Variants in SEMA3E observed in about 807,000 individuals in gnomAD.
The protein encoded by SEMA3E is semaphorin-3E.
Under a neutral mutation model 93.6 loss-of-function variants are expected in SEMA3E, and 49 were observed. The ratio of observed to expected loss-of-function variants is 0.52; its 90% CI spans 0.42 to 0.66. SEMA3E has a LOEUF of 0.66. Ranked by LOEUF, SEMA3E falls within the 30% of genes least tolerant of loss-of-function variation. The pLI is 0.00. For missense variants in SEMA3E, 906 were observed against 964.8 expected, an observed-to-expected ratio of 0.94 and a Z score of 0.81; for synonymous variants, 363 against 330.7, an observed-to-expected ratio of 1.10 and a Z score of -1.06.
intron 1 of SEMA3E, among the ~76,000 whole-genome samples, chr7:83,596,070 T>A (rs1316525472): frequency 6.6e-6 from 1 of 152,114 alleles, no homozygotes; most frequent in Non-Finnish European, 1.5e-5. Context: ...GGAAGAGTTG[T>A]CTCTTCTCTC....
chr7:83,506,344 C>T (rs1052265556), intron 1 of SEMA3E, among the ~76,000 whole-genome samples: 7 of 151,834 alleles, frequency 4.6e-5, no homozygotes, highest in Non-Finnish European at 8.8e-5. Flanking sequence ...GAGATCATTA[C>T]GTTAAATGAA....
intron 4 of SEMA3E, among the ~76,000 whole-genome samples, chr7:83,431,216 T>C (rs1026337018): frequency 6.4e-5 from 6 of 93,800 alleles, no homozygotes; most frequent in Non-Finnish European, 1.5e-4. Flanking sequence ...AATGGTTGAA[T>C]TATATTTGGT....
chr7:83,550,682 C>T (rs1488138469), intron 1 of SEMA3E, among the ~76,000 whole-genome samples: 1 of 151,918 alleles, frequency 6.6e-6, no homozygotes, highest in African/African-American at 2.4e-5. Flanking sequence ...TTATTGTATC[C>T]ATTATTTTAT....
intron 13 of SEMA3E, 60 bp from the exon 14 acceptor site, chr7:83,392,781 C>T (rs1176255734): frequency 2.0e-6 from 3 of 1,479,976 alleles, no homozygotes. Context: ...TGAGCTATTA[C>T]ACCTAGTTTT....
At chr7:83,610,492 G>T (rs1043516683) in intron 1 of SEMA3E, among the ~76,000 whole-genome samples, 8 of 151,782 alleles carry the variant, frequency 5.3e-5, no homozygotes, top group African/African-American at 1.9e-4. Flanking sequence ...ACTATGAATG[G>T]TCTACTACAT....
rs545169663 is a variant in SEMA3E at position 83,628,748 on chromosome 7, G to A, written c.115+19680C>T. Among the ~76,000 whole-genome samples the A allele has an allele frequency of 1.4e-3, 215 of 151,880 alleles. 2 individuals are homozygous for A. The highest frequency in any genetic ancestry group is 5.1e-3 in the African/African-American group (212 of 41,430). On this transcript the variant is annotated intron_variant, in intron 1 of 16. Coordinates refer to ENST00000643230, the MANE Select transcript of SEMA3E (RefSeq NM_012431.3). ...TAGAACATACTCCTTTAACTCAGAG[G>A]AGTTTGTTATTACCCACCTTCTGAA...
intron 1 of SEMA3E, chr7:83,616,811 A>G: frequency 2.6e-6 from 1 of 379,458 alleles, no homozygotes; most frequent in Non-Finnish European, 5.1e-6. Flanking sequence ...TACAACCTCC[A>G]CCTCCCGAGT....
At chr7:83,593,836 T>C (rs927151396) in intron 1 of SEMA3E, among the ~76,000 whole-genome samples, 3 of 152,142 alleles carry the variant, frequency 2.0e-5, no homozygotes, top group African/African-American at 7.2e-5. Context: ...TGTATCCATA[T>C]ATTTTTCAAT....
intron 13 of SEMA3E, among the ~76,000 whole-genome samples, chr7:83,393,343 G>T (rs1020719287): frequency 6.6e-6 from 1 of 152,046 alleles, no homozygotes; most frequent in Non-Finnish European, 1.5e-5. Context: ...AGACCAGCCT[G>T]GGCAACATGG....
intron 1 of SEMA3E, among the ~76,000 whole-genome samples, chr7:83,640,892 G>GA (rs1299498697): frequency 6.6e-6 from 1 of 151,900 alleles, no homozygotes; most frequent in African/African-American, 2.4e-5. Context: ...TGATAACCCA[G>GA]AAATGACAAG....
intron 4 of SEMA3E, among the ~76,000 whole-genome samples, chr7:83,465,148 G>T (rs1166608438): frequency 6.6e-6 from 1 of 151,728 alleles, no homozygotes; most frequent in Non-Finnish European, 1.5e-5. Context: ...GGCTCATCCT[G>T]GCTCAAAAAA....
intron 1 of SEMA3E, among the ~76,000 whole-genome samples, chr7:83,533,208 C>T (rs968132098): frequency 1.3e-5 from 2 of 152,122 alleles, no homozygotes; most frequent in Admixed American, 6.6e-5. Flanking sequence ...TCCCTTTTCT[C>T]ATCTTAATTT....
chr7:83,639,231 T>C (rs1264628065), intron 1 of SEMA3E, among the ~76,000 whole-genome samples: 2 of 149,562 alleles, frequency 1.3e-5, no homozygotes, highest in Non-Finnish European at 3.0e-5. Context: ...TGGACCACAC[T>C]CTGTGTAGCA....
chr7:83,630,192 C>G (rs751593561), intron 1 of SEMA3E, among the ~76,000 whole-genome samples: 4 of 152,154 alleles, frequency 2.6e-5, no homozygotes, highest in African/African-American at 4.8e-5. Context: ...CTTCTGTGTT[C>G]GTCTCACTGG....
Position 83,510,067 on chromosome 7 carries a change from A to G in SEMA3E, c.116-19793T>C, listed in dbSNP as rs550016346. Among the ~76,000 whole-genome samples the G allele has an allele frequency of 2.6e-5, 4 of 152,120 alleles. No individual in the cohort carries two copies. The South Asian group carries it at 8.3e-4, about 32-fold the overall frequency. ...TCTTGCTTGACTATTACATCAACAT[A>G]TTAATAATGGATGTAAAAATGTTGA... On this transcript the variant is annotated intron_variant, in intron 1 of 16. Coordinates refer to ENST00000643230, the MANE Select transcript of SEMA3E (RefSeq NM_012431.3).
At chr7:83,382,765 AATAT>A (rs1487246580) in intron 16 of SEMA3E, among the ~76,000 whole-genome samples, 1 of 151,794 alleles carries the variant, frequency 6.6e-6, no homozygotes, top group African/African-American at 2.4e-5. Flanking sequence ...TTATAAATAA[AATAT>A]ATAGAGATTA....
At chr7:83,381,955 G>A (rs1218309358) in intron 16 of SEMA3E, among the ~76,000 whole-genome samples, 3 of 151,980 alleles carry the variant, frequency 2.0e-5, no homozygotes, top group Non-Finnish European at 2.9e-5. Context: ...TCTGGCATCT[G>A]ACAATGAGGA....
At chr7:83,444,486 A>G (rs996941001) in intron 4 of SEMA3E, among the ~76,000 whole-genome samples, 2 of 152,160 alleles carry the variant, frequency 1.3e-5, no homozygotes, top group African/African-American at 4.8e-5. Context: ...AGAAAATGTG[A>G]TTATAGATTT....
rs202040246 is a variant in SEMA3E at position 83,385,278 on chromosome 7, T to C, written c.1875+16A>G. The C allele has an allele frequency of 1.2e-5, 19 of 1,612,822 alleles. No homozygotes were observed. The highest frequency in any genetic ancestry group is 1.6e-5 in the Non-Finnish European group (19 of 1,179,118). On this transcript the variant is annotated intron_variant, in intron 16 of 16. Transcript: ENST00000643230. ...TATGCAAAATACTATGTTTTGAATATGCAGCTATGAATTACCTCCTCTTTT... is the reference window on the plus strand; with the variant it reads ...TATGCAAAATACTATGTTTTGAATACGCAGCTATGAATTACCTCCTCTTTT...
Sources: gnomAD v4.1 joint callset for allele counts (sites outside exome capture counted in the v4.1 genomes callset) on GRCh38, gnomAD v4.1.1 for gene constraint, MANE v1.5 for transcripts, NCBI Gene and HGNC (gene_info 2026-07-23, HGNC 2026-07-21) for gene names.